ADIPOR2: variants seen among roughly 807,000 people sequenced by gnomAD.
The protein encoded by ADIPOR2 is adiponectin receptor 2, also known as adiponectin receptor protein 2.
ADIPOR2 carries 18 observed loss-of-function variants against 40.9 expected under a neutral mutation model. The observed-to-expected ratio is 0.44, with a 90% CI of 0.30 to 0.65. The LOEUF (loss-of-function observed/expected upper bound fraction) is 0.65, where lower values mean the gene tolerates loss of function less well. Ranked by LOEUF, ADIPOR2 falls within the 30% of genes least tolerant of loss-of-function variation. The pLI is 0.09. For synonymous variants in ADIPOR2, 165 were observed against 166.4 expected (o/e 0.99, Z 0.06); for missense variants, 283 against 479.2 (o/e 0.59, Z 3.82).
chr12:1,769,842 G>A (rs910451852), intron 2 of ADIPOR2, among the ~76,000 whole-genome samples: 6 of 151,938 alleles, frequency 3.9e-5, no homozygotes, highest in East Asian at 1.9e-4. Flanking sequence ...GTGCCTGGCC[G>A]GAAATAATTC....
chr12:1,714,229 C>T (rs147495603), intron 1 of ADIPOR2, among the ~76,000 whole-genome samples: 86 of 152,230 alleles, frequency 5.6e-4, no homozygotes, highest in African/African-American at 2.0e-3. Flanking sequence ...TCTGAACCAC[C>T]AAGGTCTGTT....
At chr12:1,742,005 TAAAA>T (rs71055190) in intron 1 of ADIPOR2, among the ~76,000 whole-genome samples, 1 of 146,522 alleles carries the variant, frequency 6.8e-6, no homozygotes, top group African/African-American at 2.5e-5. Context: ...ACTGAAAAGT[TAAAA>T]AAAAAAAAAG....
chr12:1,755,355 C>T (rs566163210), intron 2 of ADIPOR2, among the ~76,000 whole-genome samples: 6 of 152,278 alleles, frequency 3.9e-5, no homozygotes, highest in South Asian at 2.1e-4. Flanking sequence ...GGATTATAGA[C>T]GTGAACGACT....
At chr12:1,746,368 A>G (rs1005200035) in intron 1 of ADIPOR2, among the ~76,000 whole-genome samples, 1 of 152,082 alleles carries the variant, frequency 6.6e-6, no homozygotes, top group Non-Finnish European at 1.5e-5. Context: ...TGTGCCTGTA[A>G]TCCCAGCTAC....
intron 1 of ADIPOR2, among the ~76,000 whole-genome samples, chr12:1,737,475 A>G (rs913546316): frequency 2.0e-5 from 3 of 152,202 alleles, no homozygotes; most frequent in Non-Finnish European, 1.5e-5. Context: ...CATGTTATTT[A>G]TAATCATTTC....
chr12:1,709,276 C>G lies in ADIPOR2; in HGVS notation c.-87+18085C>G, dbSNP rs146464026. ...ATTATTTTTTAAGGTTCTTTAGTTT[C>G]TCTCAGCAGTGTTTTGTAGTTTTCA... On this transcript the variant is annotated intron_variant, in intron 1 of 7. Transcript: ENST00000357103. Among the ~76,000 whole-genome samples, 13 of 152,170 alleles carry G rather than the reference C, an allele frequency of 8.5e-5. No individual in the cohort carries two copies. The East Asian group carries it at 2.3e-3, about 27-fold the overall frequency.
At chr12:1,763,318 C>T (rs961230020) in intron 2 of ADIPOR2, among the ~76,000 whole-genome samples, 2 of 152,102 alleles carry the variant, frequency 1.3e-5, no homozygotes, top group Non-Finnish European at 2.9e-5. Flanking sequence ...AGTTCCAGAC[C>T]GGTAGGAATT....
In ADIPOR2 at chr12:1,783,957, G is replaced by A. The variant is rs750803822; in HGVS notation, c.916G>A (p.Ala306Thr). 4.3e-6 allele frequency: 7 copies of A among 1,613,164 alleles called. No homozygotes were observed. In the Admixed American group the frequency reaches 5.0e-5, roughly 12 times the overall value. The change falls in exon 7 of 8, where the codon GCC (alanine) becomes ACC (threonine). Residue 306 changes from alanine (A) to threonine (T), a missense_variant. By Grantham distance (58) the Ala-to-Thr change is moderately conservative (BLOSUM62 0). This residue lies in a region of ADIPOR2 where 106 missense variants were observed against 149.7 expected (regional missense o/e 0.71). Transcript: ENST00000357103. ...CATCTCGGAGGGGTTCCTTAAGGCC[G>A]CCACCATAGGGCAGATAGGCTGGTT... is the stretch of plus-strand genomic sequence containing the variant. ...YVISEGFLKA[A>T]TIGQIGWLML...
rs192288400 is a variant in ADIPOR2, at chr12:1,699,381, G to A, written c.-87+8190G>A. Among the ~76,000 whole-genome samples, 640 of 152,258 alleles carry A rather than the reference G, an allele frequency of 4.2e-3. 3 individuals carry two copies. The highest frequency in any genetic ancestry group is 0.015 in the African/African-American group (614 of 41,540). ...GCCTGTAATCCCAGCACTTTGGGAC[G>A]CCAAGGTGGGCGGATCACCTGAGGT... is the stretch of plus-strand genomic sequence containing the variant. On this transcript the variant is annotated intron_variant, in intron 1 of 7. Transcript: ENST00000357103.
At chr12:1,782,975 TC>T (rs1158865717) in intron 6 of ADIPOR2, among the ~76,000 whole-genome samples, 14 of 113,256 alleles carry the variant, frequency 1.2e-4, no homozygotes, top group African/African-American at 4.7e-4. Context: ...TTTCTTTCTT[TC>T]TTTTTTTTTT....
Position 1,751,690 on chromosome 12 carries a change from AT to A in ADIPOR2, c.-86-2557del, listed in dbSNP as rs568094701. ...CCACCACACCCGGCTAATTAAAAAA[AT>A]TTTTTTTTTTGTAGAGGTGGGTCTC... On this transcript the variant is annotated intron_variant, in intron 1 of 7. Transcript: ENST00000357103. Among the ~76,000 whole-genome samples the A allele has an allele frequency of 4.1e-4, 60 of 147,940 alleles. 1 individual carries two copies. The East Asian group carries it at 4.2e-3, about 10-fold the overall frequency.
Position 1,754,597 on chromosome 12 carries a change from G to C in ADIPOR2, c.171+83G>C. 4 of 1,376,292 alleles carry C rather than the reference G, an allele frequency of 2.9e-6. No individual in the cohort carries two copies. In the South Asian group the frequency reaches 4.8e-5, roughly 17 times the overall value. The allele number at this position is 1,376,292 out of a possible 1,614,324, so 85.3% of individuals were successfully genotyped here. ...GGAGGATATGGGGAAAAAAAAGTGGGGGTCCATTGCTGGAGGGAGGATGGG... is the reference window on the plus strand; with the variant it reads ...GGAGGATATGGGGAAAAAAAAGTGGCGGTCCATTGCTGGAGGGAGGATGGG... On this transcript the variant is annotated intron_variant, in intron 2 of 7. Coordinates refer to ENST00000357103, the MANE Select transcript of ADIPOR2 (RefSeq NM_024551.3).
intron 1 of ADIPOR2, chr12:1,696,630 G>C (rs1476346397): frequency 1.3e-5 from 2 of 152,114 alleles, no homozygotes; most frequent in Admixed American, 1.3e-4. Flanking sequence ...TCCTGGCCTC[G>C]AGCGATCCTC....
At chr12:1,773,422 A>T (rs180690631) in intron 3 of ADIPOR2, among the ~76,000 whole-genome samples, 2 of 151,796 alleles carry the variant, frequency 1.3e-5, no homozygotes, top group African/African-American at 4.8e-5. Context: ...TTCCATGTAC[A>T]TCTGGTATTT....
chr12:1,774,060 C>T (rs1862539400), intron 3 of ADIPOR2, among the ~76,000 whole-genome samples: 1 of 152,144 alleles, frequency 6.6e-6, no homozygotes, highest in Non-Finnish European at 1.5e-5. Context: ...ACAATAGATT[C>T]ATTCTAGTGA....
intron 1 of ADIPOR2, among the ~76,000 whole-genome samples, chr12:1,747,071 A>T (rs950748767): frequency 6.8e-6 from 1 of 146,564 alleles, no homozygotes; most frequent in East Asian, 2.1e-4. Context: ...AAAAAATAAA[A>T]AAAACAAAAC....
Position 1,714,445 on chromosome 12 carries a change from A to G in ADIPOR2, c.-87+23254A>G, listed in dbSNP as rs570684133. Among the ~76,000 whole-genome samples the G allele has an allele frequency of 3.0e-4, 45 of 152,228 alleles. 1 individual carries two copies. The highest frequency in any genetic ancestry group is 1.5e-3 in the South Asian group (7 of 4,820). ...GTAATAAACTTATCTTTTAGGATCA[A>G]TTGACCCTCGAGTGAGTCGGGTAAC... On this transcript the variant is annotated intron_variant, in intron 1 of 7. Transcript: ENST00000357103.
At chr12:1,695,674 A>AT (rs1055953999) in intron 1 of ADIPOR2, among the ~76,000 whole-genome samples, 3 of 151,418 alleles carry the variant, frequency 2.0e-5, no homozygotes, top group African/African-American at 7.3e-5. Flanking sequence ...AAAAAAAAAA[A>AT]AAAAAAATGA....
intron 1 of ADIPOR2, among the ~76,000 whole-genome samples, chr12:1,737,659 T>C (rs757998153): frequency 5.9e-5 from 9 of 152,190 alleles, no homozygotes; most frequent in Non-Finnish European, 1.2e-4. Context: ...CTTGGCTCAC[T>C]GTGACCTCTA....
Sources: allele counts gnomAD v4.1 joint callset (sites outside exome capture counted in the v4.1 genomes callset), GRCh38; gene constraint gnomAD v4.1.1; regional missense constraint gnomAD v4.1.1; transcripts MANE v1.5; gene names NCBI Gene and HGNC (gene_info 2026-07-23, HGNC 2026-07-21).